Variants in ATP1A4 observed in about 807,000 individuals in gnomAD.
ATP1A4 encodes the protein sodium/potassium-transporting ATPase subunit alpha-4.
ATP1A4 carries 90 observed loss-of-function variants against 114.3 expected under a neutral mutation model. The observed-to-expected ratio is 0.79, with a 90% CI of 0.66 to 0.94. The LOEUF (loss-of-function observed/expected upper bound fraction) is 0.94, where lower values mean the gene tolerates loss of function less well. Among genes scored for constraint, ATP1A4 ranks in the 40% least tolerant of loss-of-function variants. ATP1A4 has a pLI of 0.00. For synonymous variants in ATP1A4, 511 were observed against 494.1 expected (o/e 1.03, Z -0.45); for missense variants, 1,222 against 1,313.6 (o/e 0.93, Z 1.08).
intron 6 of ATP1A4, among the ~76,000 whole-genome samples, chr1:160,160,327 C>T (rs1208869046): frequency 6.6e-6 from 1 of 152,118 alleles, no homozygotes; most frequent in African/African-American, 2.4e-5. Flanking sequence ...AGCAATTATC[C>T]TGCCTCAGCC....
At chr1:160,153,509 G>A (rs1652530476) in intron 2 of ATP1A4, among the ~76,000 whole-genome samples, 2 of 152,096 alleles carry the variant, frequency 1.3e-5, no homozygotes, top group South Asian at 4.1e-4. Flanking sequence ...AATTTATCTA[G>A]GACCGCAAAG....
chr1:160,181,619 A>G, intron 18 of ATP1A4, 65 bp from the exon 19 acceptor site: 1 of 1,572,972 alleles, frequency 6.4e-7, no homozygotes, highest in Non-Finnish European at 8.7e-7. Flanking sequence ...GTGGGAGAGG[A>G]AAGAAGCCTT....
intron 13 of ATP1A4, 121 bp downstream of exon 13, chr1:160,173,838 A>T (rs1306359926): frequency 7.7e-7 from 1 of 1,293,698 alleles, no homozygotes; most frequent in Admixed American, 2.4e-5. Flanking sequence ...TGTGGGGTTT[A>T]CACTACAAAG....
Position 160,159,460 on chromosome 1 carries a change from G to C in ATP1A4, c.712G>C (p.Asp238His). 1 of 1,614,004 alleles carries C rather than the reference G, an allele frequency of 6.2e-7. No homozygotes were observed. The highest frequency in any genetic ancestry group is 8.5e-7 in the Non-Finnish European group (1 of 1,179,930). The change falls in exon 6 of 22, where the codon GAC (aspartate) becomes CAC (histidine). Residue 238 changes from aspartate (D) to histidine (H), a missense_variant. Coordinates refer to ENST00000368081, the MANE Select transcript of ATP1A4 (RefSeq NM_144699.4). ...GTCAGAACCCCAGAGCCGCTCCCCTGACTTCACCCATGAGAACCCTCTGGA... is the reference window on the plus strand; with the variant it reads ...GTCAGAACCCCAGAGCCGCTCCCCTCACTTCACCCATGAGAACCCTCTGGA... ...GESEPQSRSP[D>H]FTHENPLETR...
chr1:160,171,034 T>G, intron 10 of ATP1A4: 1 of 468,198 alleles, frequency 2.1e-6, no homozygotes, highest in Non-Finnish European at 3.8e-6. Context: ...GAGAAGATAA[T>G]GGAGATTCCT....
At chr1:160,180,635 GTCC>G (rs1449581904) in intron 18 of ATP1A4, among the ~76,000 whole-genome samples, 1 of 141,530 alleles carries the variant, frequency 7.1e-6, no homozygotes, top group African/African-American at 2.7e-5. Flanking sequence ...TACTCACATT[GTCC>G]TCTGGCCCCA....
intron 19 of ATP1A4, 31 bp from the exon 20 acceptor site, chr1:160,181,899 C>T: frequency 6.2e-7 from 1 of 1,613,562 alleles, no homozygotes; most frequent in Non-Finnish European, 8.5e-7. Flanking sequence ...TCTTCTCCCT[C>T]CCCGCCACAC....
In ATP1A4 at chr1:160,174,604, A is replaced by T. The variant is rs759176271; in HGVS notation, c.2168A>T (p.Asp723Val). 6.2e-7 allele frequency: 1 copy of T among 1,614,126 alleles called. No homozygotes were observed. Among genetic ancestry groups the T allele is most frequent in the Admixed American group, 1.7e-5 (1 of 60,026 alleles). ...RLGAVVAVTG[D>V]GVNDSPALKK... Reference sequence around the variant, plus strand: ...GGAGCCGTTGTGGCCGTGACAGGTGACGGGGTGAACGACTCCCCTGCGCTG... The same window carrying T: ...GGAGCCGTTGTGGCCGTGACAGGTGTCGGGGTGAACGACTCCCCTGCGCTG... The change falls in exon 15 of 22, where the codon GAC becomes GTC. Residue 723 changes from aspartate (D) to valine (V), a missense_variant. Physicochemically the swap from Asp to Val is radical, Grantham distance 152. Transcript: ENST00000368081.
intron 4 of ATP1A4, among the ~76,000 whole-genome samples, chr1:160,157,178 C>T (rs1256320645): frequency 6.6e-6 from 1 of 152,008 alleles, no homozygotes; most frequent in Non-Finnish European, 1.5e-5. Flanking sequence ...TTTATTTTTA[C>T]TTTTTTATTT....
rs758520593 is a variant in ATP1A4, at chr1:160,159,457, C to T, written c.709C>T (p.Pro237Ser). Residue 237 changes from proline to serine, a missense_variant, in exon 6 of 22, where the codon CCT becomes TCT. Coordinates refer to ENST00000368081, the MANE Select transcript of ATP1A4 (RefSeq NM_144699.4). Reference protein sequence around the residue: ...TGESEPQSRSPDFTHENPLET... With the variant: ...TGESEPQSRSSDFTHENPLET... ...GGAGTCAGAACCCCAGAGCCGCTCC[C>T]CTGACTTCACCCATGAGAACCCTCT... 1.7e-5 allele frequency: 28 copies of T among 1,614,036 alleles called. No individual in the cohort carries two copies. The highest frequency in any genetic ancestry group is 2.3e-5 in the Non-Finnish European group (27 of 1,179,946).
At chr1:160,186,160 C>T (rs1473805031) in intron 20 of ATP1A4, 116 bp from the exon 21 acceptor site, 3 of 760,410 alleles carry the variant, frequency 3.9e-6, no homozygotes, top group Non-Finnish European at 7.1e-6. Context: ...CCAGCACAGT[C>T]CCACGCACAC....
intron 6 of ATP1A4, among the ~76,000 whole-genome samples, chr1:160,161,875 C>G (rs1360239084): frequency 6.6e-6 from 1 of 152,164 alleles, no homozygotes; most frequent in South Asian, 2.1e-4. Context: ...GAGACCACCA[C>G]GTGCAGCAAT....
In ATP1A4 at chr1:160,159,045, T is replaced by G. The variant is rs945825563; in HGVS notation, c.569T>G (p.Val190Gly). 1 of 1,614,090 alleles carries G rather than the reference T, an allele frequency of 6.2e-7. No homozygotes were observed. Residue 190 changes from valine (V) to glycine (G), a missense_variant, in exon 5 of 22, where the codon GTA (valine) becomes GGA (glycine). Physicochemically the swap from Val to Gly is moderately radical, Grantham distance 109. Coordinates refer to ENST00000368081, the MANE Select transcript of ATP1A4 (RefSeq NM_144699.4). ...GGAGGAGAGAAGATGCAAATTAATG[T>G]ACAAGAGGTGGTGTTGGGAGACCTG... ...IRGGEKMQINVQEVVLGDLVE... is the reference protein window; with the variant it reads ...IRGGEKMQINGQEVVLGDLVE...
intron 20 of ATP1A4, among the ~76,000 whole-genome samples, chr1:160,185,833 C>T (rs1021923896): frequency 6.6e-6 from 1 of 151,012 alleles, no homozygotes; most frequent in Non-Finnish European, 1.5e-5. Flanking sequence ...GCAGGAGAAT[C>T]ACTTGAACCT....
intron 6 of ATP1A4, among the ~76,000 whole-genome samples, chr1:160,162,455 G>A (rs574827913): frequency 6.6e-6 from 1 of 152,144 alleles, no homozygotes; most frequent in African/African-American, 2.4e-5. Flanking sequence ...GTTATGGCCC[G>A]TGCTACCCAG....
At chr1:160,164,565 T>C in intron 7 of ATP1A4, 141 bp downstream of exon 7, 2 of 901,250 alleles carry the variant, frequency 2.2e-6, no homozygotes, top group Non-Finnish European at 3.4e-6. Context: ...ATAATTTAGC[T>C]CTCAATATTA....
rs1423020280 is a variant in ATP1A4, at chr1:160,166,604, T to C, written c.1124T>C (p.Leu375Pro). ...LVKNLEAVET[L>P]GSTSTICSDK... ...AAGAACCTGGAGGCGGTGGAGACGC[T>C]GGGCTCCACGTCCACCATCTGCTCA... Residue 375 changes from leucine (L) to proline (P), a missense_variant, in exon 8 of 22, where the codon CTG becomes CCG. Leu to Pro is a moderately conservative substitution (Grantham distance 98). Transcript: ENST00000368081. 1.2e-6 allele frequency: 2 copies of C among 1,614,200 alleles called. No individual in the cohort carries two copies. The highest frequency in any genetic ancestry group is 4.5e-5 in the East Asian group (2 of 44,890).
At position 160,152,329 on chromosome 1, in the gene ATP1A4, T is replaced by TAA. The variant is rs35726220; in HGVS notation, c.147+156_147+157dup. ...TAGGCTTTGGAGGGAAGGAGAGGGT[T>TAA]AAAAAAAAAAAAAAAGATACACACA... On this transcript the variant is annotated intron_variant, in intron 1 of 21. Transcript: ENST00000368081. 2,827 of 682,120 alleles carry TAA rather than the reference T, an allele frequency of 4.1e-3. 2 individuals are homozygous for TAA. The highest frequency in any genetic ancestry group is 0.014 in the African/African-American group (731 of 52,160). The allele number at this position is 682,120 out of a possible 1,614,324, so 42.3% of individuals were successfully genotyped here.
At chr1:160,181,424 A>G (rs1653696932) in intron 18 of ATP1A4, among the ~76,000 whole-genome samples, 2 of 151,918 alleles carry the variant, frequency 1.3e-5, no homozygotes, top group East Asian at 1.9e-4. Context: ...GTGTGGTGGC[A>G]GGCGCCTGTA....
Sources: allele counts gnomAD v4.1 joint callset (sites outside exome capture counted in the v4.1 genomes callset), GRCh38; gene constraint gnomAD v4.1.1; transcripts MANE v1.5; gene names NCBI Gene and HGNC (gene_info 2026-07-23, HGNC 2026-07-21).